The following AATF variants were observed in gnomAD, a reference collection of about 807,000 sequenced individuals.
The protein encoded by AATF is apoptosis antagonizing transcription factor, also known as protein AATF.
AATF carries 48 observed loss-of-function variants against 63.7 expected under a neutral mutation model. The ratio of observed to expected loss-of-function variants is 0.75; its 90% CI spans 0.60 to 0.96. The LOEUF is 0.96. Ranked by LOEUF, AATF falls within the 40% of genes least tolerant of loss-of-function variation. The pLI, the probability that AATF is intolerant of heterozygous loss-of-function variation, is 0.00. For synonymous variants in AATF, 258 were observed against 247.7 expected (o/e 1.04, Z -0.39); for missense variants, 639 against 685.7 (o/e 0.93, Z 0.76).
chr17:37,043,100 T>C (rs965669608), intron 11 of AATF: 1 of 152,108 alleles, frequency 6.6e-6, no homozygotes, highest in African/African-American at 2.4e-5. Context: ...TAACCAATAG[T>C]CTGTATTCTC....
intron 5 of AATF, 111 bp downstream of exon 5, chr17:36,986,842 A>G: frequency 1.2e-6 from 1 of 838,568 alleles, no homozygotes; most frequent in Non-Finnish European, 1.9e-6. Flanking sequence ...TGTTAGTAAA[A>G]TAGAGTCTCA....
rs1415790492 is a variant in AATF, at chr17:36,990,839, T to C, written c.1380T>C (p.Asp460=). The C allele has an allele frequency of 6.3e-7, 1 of 1,589,820 alleles. No homozygotes were observed. Among genetic ancestry groups the C allele is most frequent in the Non-Finnish European group, 8.5e-7 (1 of 1,171,894 alleles). ...LKDLDEEIFD[D]DDFYHQLLRE... ...ACTTGGATGAAGAAATCTTTGATGATGATGACTTTTACCACCAGGTGAGAC... is the reference window on the plus strand; with the variant it reads ...ACTTGGATGAAGAAATCTTTGATGACGATGACTTTTACCACCAGGTGAGAC... Residue 460 remains aspartate, a synonymous_variant, in exon 8 of 12, where the codon GAT becomes GAC. Transcript: ENST00000619387.
chr17:36,961,440 T>G (rs62072264), intron 4 of AATF, among the ~76,000 whole-genome samples: 1 of 152,018 alleles, frequency 6.6e-6, no homozygotes, highest in Non-Finnish European at 1.5e-5. Context: ...ATCAAAGATA[T>G]TATAATTTCA....
intron 10 of AATF, among the ~76,000 whole-genome samples, chr17:37,026,388 CAG>C (rs1209574414): frequency 6.6e-6 from 1 of 152,216 alleles, no homozygotes; most frequent in Non-Finnish European, 1.5e-5. Context: ...TGGTCAGAAT[CAG>C]AGAGTAGTCT....
At position 36,953,831 on chromosome 17, in the gene AATF, C is replaced by T; in HGVS notation, c.756C>T (p.Asn252=). ...TACAAAAAGCTCTGTTGACCACCAA[C>T]CAGCTTCCTCAACCAGATGTTTTCC... is the stretch of plus-strand genomic sequence containing the variant. The part of the protein sequence containing the change: ...IKLQKALLTT[N]QLPQPDVFPL... The change falls in exon 4 of 12, where the codon AAC becomes AAT. Residue 252 remains asparagine (N), a synonymous_variant. Transcript: ENST00000619387. 1 of 1,614,094 alleles carries T rather than the reference C, an allele frequency of 6.2e-7. No individual in the cohort carries two copies. The highest frequency in any genetic ancestry group is 8.5e-7 in the Non-Finnish European group (1 of 1,180,010).
chr17:36,972,087 C>T (rs1398913770), intron 4 of AATF, among the ~76,000 whole-genome samples: 1 of 152,074 alleles, frequency 6.6e-6, no homozygotes, highest in Non-Finnish European at 1.5e-5. Context: ...TATATGTGTG[C>T]TTATTCCCAG....
chr17:37,023,964 T>G (rs1311305832), intron 10 of AATF, among the ~76,000 whole-genome samples: 2 of 152,214 alleles, frequency 1.3e-5, no homozygotes, highest in African/African-American at 4.8e-5. Context: ...CTAGATTACT[T>G]ATAATACCTA....
chr17:36,966,515 G>A (rs1251066626), intron 4 of AATF, among the ~76,000 whole-genome samples: 1 of 152,048 alleles, frequency 6.6e-6, no homozygotes, highest in Non-Finnish European at 1.5e-5. Context: ...TGATCCTCCC[G>A]CCTCAGCCTC....
At chr17:36,983,817 A>G (rs1355611102) in intron 4 of AATF, among the ~76,000 whole-genome samples, 1 of 152,064 alleles carries the variant, frequency 6.6e-6, no homozygotes, top group Non-Finnish European at 1.5e-5. Flanking sequence ...CAAAGACCTT[A>G]TTTTAAACAA....
Position 37,015,642 on chromosome 17 carries a change from G to A in AATF, c.1399-3363G>A, listed in dbSNP as rs140563984. Among the ~76,000 whole-genome samples the A allele has an allele frequency of 9.9e-5, 15 of 152,274 alleles. No homozygotes were observed. The East Asian group carries it at 2.9e-3, about 29-fold the overall frequency. On this transcript the variant is annotated intron_variant, in intron 8 of 11. Transcript: ENST00000619387. ...ATTGGGGATTAAGTGTTCAACATAC[G>A]GATTTTGGGAGACACATGCAGAAGA...
intron 4 of AATF, among the ~76,000 whole-genome samples, chr17:36,976,387 A>G (rs1047669672): frequency 1.3e-5 from 2 of 152,308 alleles, no homozygotes; most frequent in Non-Finnish European, 2.9e-5. Context: ...GGTACTTAGC[A>G]GGTCCTTACT....
intron 11 of AATF, among the ~76,000 whole-genome samples, chr17:37,032,128 G>A (rs936953580): frequency 2.0e-5 from 3 of 152,124 alleles, no homozygotes; most frequent in African/African-American, 7.2e-5. Context: ...AAGCTGAAAC[G>A]AGAGAAATAC....
At chr17:36,980,978 A>T (rs2071119071) in intron 4 of AATF, among the ~76,000 whole-genome samples, 1 of 149,024 alleles carries the variant, frequency 6.7e-6, no homozygotes, top group African/African-American at 2.5e-5. Context: ...ACTTTGATGC[A>T]TGGTAGTGCT....
At chr17:36,986,815 C>A in intron 5 of AATF, 84 bp downstream of exon 5, 1 of 1,144,724 alleles carries the variant, frequency 8.7e-7, no homozygotes, top group South Asian at 1.3e-5. Context: ...GCTAAGTTCT[C>A]TTCAGGCAGA....
At chr17:37,048,144 G>C (rs1007965650) in intron 11 of AATF, among the ~76,000 whole-genome samples, 1 of 152,020 alleles carries the variant, frequency 6.6e-6, no homozygotes, top group Non-Finnish European at 1.5e-5. Context: ...TTTCAGGAGA[G>C]AAGCCTGTGA....
At position 36,990,791 on chromosome 17, in the gene AATF, C is replaced by A; in HGVS notation, c.1332C>A (p.Ala444=). Residue 444 remains alanine (A), a synonymous_variant, in exon 8 of 12, where the codon GCC becomes GCA. Transcript: ENST00000619387. The part of the protein sequence containing the change: ...LPGEPEILPQ[A]PANAHLKDLD... ...TAACATAGGAGATCCTTCCTCAAGC[C>A]CCTGCTAATGCTCATCTGAAGGACT... 1 of 1,592,170 alleles carries A rather than the reference C, an allele frequency of 6.3e-7. No homozygotes were observed. The highest frequency in any genetic ancestry group is 8.5e-7 in the Non-Finnish European group (1 of 1,172,296).
At chr17:37,037,427 C>A (rs943049726) in intron 11 of AATF, among the ~76,000 whole-genome samples, 2 of 152,162 alleles carry the variant, frequency 1.3e-5, no homozygotes, top group African/African-American at 4.8e-5. Flanking sequence ...ATCCTCTAAG[C>A]ATATTATCAC....
intron 4 of AATF, among the ~76,000 whole-genome samples, chr17:36,986,030 G>A (rs1212410987): frequency 6.6e-6 from 1 of 152,238 alleles, no homozygotes; most frequent in African/African-American, 2.4e-5. Flanking sequence ...TTGGGTTTTC[G>A]TATGTGAACA....
intron 4 of AATF, among the ~76,000 whole-genome samples, chr17:36,970,260 C>T (rs1288505644): frequency 1.3e-5 from 2 of 152,138 alleles, no homozygotes; most frequent in Admixed American, 6.5e-5. Flanking sequence ...CTAGTTGCTC[C>T]ACTTCCTCAG....
Sources: gnomAD v4.1 joint callset for allele counts (sites outside exome capture counted in the v4.1 genomes callset) on GRCh38, gnomAD v4.1.1 for gene constraint, MANE v1.5 for transcripts, NCBI Gene and HGNC (gene_info 2026-07-23, HGNC 2026-07-21) for gene names.